The following OSBPL10 variants were observed in gnomAD, a reference collection of about 807,000 sequenced individuals.
OSBPL10 encodes oxysterol-binding protein-related protein 10.
A neutral mutation model predicts 81.7 loss-of-function variants in OSBPL10; 49 were observed. The ratio of observed to expected loss-of-function variants is 0.60; its 90% CI spans 0.48 to 0.76. OSBPL10 has a LOEUF of 0.76. Among genes scored for constraint, OSBPL10 ranks in the 30% least tolerant of loss-of-function variants. The pLI is 0.00. For missense variants in OSBPL10, 923 were observed against 987.8 expected (o/e 0.93, Z 0.88); for synonymous variants, 419 against 383.6 (o/e 1.09, Z -1.08).
At chr3:32,008,076 T>C (rs1365109931) in intron 2 of OSBPL10, among the ~76,000 whole-genome samples, 1 of 152,226 alleles carries the variant, frequency 6.6e-6, no homozygotes, top group East Asian at 1.9e-4. Flanking sequence ...CCAGGGATTA[T>C]GATGTAGACA....
intron 6 of OSBPL10, among the ~76,000 whole-genome samples, chr3:31,718,442 C>T (rs1696524078): frequency 1.3e-5 from 2 of 152,146 alleles, no homozygotes; most frequent in East Asian, 1.9e-4. Context: ...ATTTCCATTT[C>T]TGTAGCATAA....
At chr3:31,798,355 G>C (rs1699292972) in intron 4 of OSBPL10, among the ~76,000 whole-genome samples, 1 of 150,908 alleles carries the variant, frequency 6.6e-6, no homozygotes, top group African/African-American at 2.4e-5. Flanking sequence ...ATTTGAACCT[G>C]GGAGGCAGAG....
chr3:31,818,043 T>A (rs887114292), intron 4 of OSBPL10, among the ~76,000 whole-genome samples: 6 of 152,204 alleles, frequency 3.9e-5, no homozygotes, highest in African/African-American at 1.4e-4. Flanking sequence ...GAGGTGGAAG[T>A]AGCAGTGAGC....
intron 1 of OSBPL10, among the ~76,000 whole-genome samples, chr3:31,909,524 G>C (rs1245418835): frequency 6.6e-6 from 1 of 152,014 alleles, no homozygotes; most frequent in South Asian, 2.1e-4. Context: ...AAGAAAGAAA[G>C]GGGGAGAGAA....
In OSBPL10 at chr3:31,876,487, G is replaced by T. The variant is rs767859625; in HGVS notation, c.483C>A (p.Phe161Leu). The T allele has an allele frequency of 9.9e-6, 16 of 1,613,426 alleles. No homozygotes were observed. The highest frequency in any genetic ancestry group is 6.7e-5 in the African/African-American group (5 of 74,930). The change falls in exon 3 of 12, where the codon TTC becomes TTA. Residue 161 changes from phenylalanine to leucine, a missense_variant. By Grantham distance (22) the Phe-to-Leu change is conservative. Around this residue, in one of 3 missense-constraint regions of OSBPL10, gnomAD observed 514 missense variants for 508.0 expected, o/e 1.01. Coordinates refer to ENST00000396556, the MANE Select transcript of OSBPL10 (RefSeq NM_017784.5). ...LRAADAKEKQFWVTQLRACAK... is the reference protein window; with the variant it reads ...LRAADAKEKQLWVTQLRACAK... ...CACAAGCTCGAAGCTGAGTCACCCA[G>T]AATTGTTTCTCTTTTGCATCAGCAG...
At chr3:31,984,068 C>G (rs1698900161), upstream of OSBPL10, among the ~76,000 whole-genome samples, 1 of 151,882 alleles carries the variant, frequency 6.6e-6, no homozygotes, top group Non-Finnish European at 1.5e-5. Flanking sequence ...ACTGGAGTCT[C>G]GCTCTGTCAC....
rs1202195359 is a variant in OSBPL10 at position 31,769,456 on chromosome 3, A to AC, written c.730-21337_730-21336insG. Among the ~76,000 whole-genome samples the AC allele has an allele frequency of 2.6e-4, 23 of 87,164 alleles. 2 individuals carry two copies. Among genetic ancestry groups the AC allele is most frequent in the African/African-American group, 9.0e-4 (20 of 22,128 alleles). The allele number at this position is 87,164 out of a possible 152,430, so 57.2% of individuals were successfully genotyped here. On this transcript the variant is annotated intron_variant, in intron 4 of 11. Coordinates refer to ENST00000396556, the MANE Select transcript of OSBPL10 (RefSeq NM_017784.5). ...GCAAAACTCCATCTCAAAAAAAAAA[A>AC]AACAAAAAAAAAACAAAAAAAAACA...
intron 7 of OSBPL10, among the ~76,000 whole-genome samples, chr3:31,687,532 G>A (rs779670832): frequency 4.7e-4 from 71 of 152,108 alleles, no homozygotes; most frequent in Admixed American, 1.9e-3. Context: ...GTCACGGAAT[G>A]TCAGAACTAA....
intron 2 of OSBPL10, among the ~76,000 whole-genome samples, chr3:32,013,251 A>G (rs1699277971): frequency 6.6e-6 from 1 of 152,246 alleles, no homozygotes; most frequent in Non-Finnish European, 1.5e-5. Flanking sequence ...TGTCCCTCAG[A>G]CCACGGTGCA....
At chr3:31,794,703 G>GA in intron 4 of OSBPL10, 1 of 302,402 alleles carries the variant, frequency 3.3e-6, no homozygotes, top group Non-Finnish European at 6.9e-6. Flanking sequence ...GAGAGTCTCA[G>GA]GTCAGGACTC....
At chr3:31,817,814 G>A (rs955427556) in intron 4 of OSBPL10, among the ~76,000 whole-genome samples, 3 of 152,198 alleles carry the variant, frequency 2.0e-5, no homozygotes, top group Non-Finnish European at 4.4e-5. Context: ...CCCCAGTCAA[G>A]CCTCCCTGCT....
chr3:31,847,649 T>TGA (rs1022811019), intron 3 of OSBPL10, among the ~76,000 whole-genome samples: 1 of 152,032 alleles, frequency 6.6e-6, no homozygotes, highest in Non-Finnish European at 1.5e-5. Flanking sequence ...CACTCAACAC[T>TGA]GAGAGAGAGA....
chr3:32,026,544 T>G (rs934849204), intron 2 of OSBPL10, among the ~76,000 whole-genome samples: 1 of 152,342 alleles, frequency 6.6e-6, no homozygotes, highest in East Asian at 1.9e-4. Flanking sequence ...AGGAACTATA[T>G]GGTTCTAAAA....
At chr3:31,747,855 A>C (rs1697573835) in intron 5 of OSBPL10, 55 bp downstream of exon 5, 1 of 1,530,918 alleles carries the variant, frequency 6.5e-7, no homozygotes, top group Admixed American at 1.7e-5. Context: ...ACAGTGGGAC[A>C]CAGACACAGT....
chr3:31,970,498 A>G (rs544933348), intron 1 of OSBPL10, among the ~76,000 whole-genome samples: 1 of 152,238 alleles, frequency 6.6e-6, no homozygotes, highest in South Asian at 2.1e-4. Context: ...CTGCGCTTAC[A>G]TCCAGATTAT....
chr3:31,771,035 G>A (rs1369462271), intron 4 of OSBPL10, among the ~76,000 whole-genome samples: 1 of 152,080 alleles, frequency 6.6e-6, no homozygotes, highest in Non-Finnish European at 1.5e-5. Context: ...CTGTAAAATG[G>A]GGCTCACAAT....
At chr3:31,683,539 C>A in intron 8 of OSBPL10, 95 bp downstream of exon 8, 1 of 1,494,844 alleles carries the variant, frequency 6.7e-7, no homozygotes, top group Non-Finnish European at 8.9e-7. Flanking sequence ...AAAACAACAA[C>A]AACAAAAAAC....
chr3:31,675,945 C>CAAAAAAA (rs773575072), intron 8 of OSBPL10, among the ~76,000 whole-genome samples: 797 of 59,084 alleles, frequency 0.013, 49 homozygotes, highest in African/African-American at 0.042. Flanking sequence ...GACTCCATCT[C>CAAAAAAA]AAAAAAAAAA....
At chr3:31,926,289 G>GCC (rs36122261) in intron 1 of OSBPL10, among the ~76,000 whole-genome samples, 2 of 130,110 alleles carry the variant, frequency 1.5e-5, no homozygotes, top group African/African-American at 3.1e-5. Flanking sequence ...GGGTGATTTT[G>GCC]CCCCCCCAGA....
Sources: gnomAD v4.1 joint callset for allele counts (sites outside exome capture counted in the v4.1 genomes callset) on GRCh38, gnomAD v4.1.1 for gene constraint, gnomAD v4.1.1 regional missense constraint, MANE v1.5 for transcripts, NCBI Gene and HGNC (gene_info 2026-07-23, HGNC 2026-07-21) for gene names.